The following CROCC variants were observed in gnomAD, a reference collection of about 807,000 sequenced individuals.
CROCC encodes the protein rootletin.
A neutral mutation model predicts 245.2 loss-of-function variants in CROCC; 180 were observed. The ratio of observed to expected loss-of-function variants is 0.73; its 90% CI spans 0.65 to 0.83. CROCC has a LOEUF of 0.83. CROCC is among the 40% of genes least tolerant of loss of function. The pLI is 0.00. For missense variants in CROCC, 2,688 were observed against 2,779.4 expected, an observed-to-expected ratio of 0.97 and a Z score of 0.74; for synonymous variants, 1,205 against 1,241.6, an observed-to-expected ratio of 0.97 and a Z score of 0.62.
At chr1:16,932,127 CT>C (rs1320889356) in intron 8 of CROCC, among the ~76,000 whole-genome samples, 1 of 152,246 alleles carries the variant, frequency 6.6e-6, no homozygotes, top group Non-Finnish European at 1.5e-5. Context: ...CTCACAGCCT[CT>C]TGTGATGAAA....
chr1:16,946,657 G>A, intron 16 of CROCC, 104 bp from the exon 17 acceptor site: 1 of 1,277,986 alleles, frequency 7.8e-7, no homozygotes, highest in Non-Finnish European at 1.1e-6. Context: ...TCATTCCCTG[G>A]GAGCCTCCCC....
chr1:16,940,738 T>C (rs1570638911), intron 13 of CROCC: 1 of 250,670 alleles, frequency 4.0e-6, no homozygotes, highest in Non-Finnish European at 8.1e-6. Context: ...TTGTTTTGCT[T>C]TGTTTTGAGT....
Position 16,930,186 on chromosome 1 carries a change from G to C in CROCC, c.600G>C (p.Glu200Asp), listed in dbSNP as rs762585948. The C allele has an allele frequency of 1.3e-6, 2 of 1,592,384 alleles. No homozygotes were observed. Among genetic ancestry groups the C allele is most frequent in the African/African-American group, 2.7e-5 (2 of 74,482 alleles). The change falls in exon 5 of 37, where the codon GAG becomes GAC. Residue 200 changes from glutamate to aspartate, a missense_variant. Physicochemically the swap from Glu to Asp is conservative, Grantham distance 45. Around this residue, in one of 9 missense-constraint regions of CROCC, gnomAD observed 972 missense variants for 895.3 expected, o/e 1.09. Coordinates refer to ENST00000375541, the MANE Select transcript of CROCC (RefSeq NM_014675.5). ...AGCAGCTGCTGGAGAGATCCGGAGAGCTGGAGCAGCAGCGGCTGAGGGTGG... is the reference window on the plus strand; with the variant it reads ...AGCAGCTGCTGGAGAGATCCGGAGACCTGGAGCAGCAGCGGCTGAGGGTGG... ...LEQQLLERSG[E>D]LEQQRLRDTE...
chr1:16,923,674 CTTTTTT>C (rs61063425), intron 2 of CROCC, among the ~76,000 whole-genome samples: 1 of 103,498 alleles, frequency 9.7e-6, no homozygotes, highest in Non-Finnish European at 1.9e-5. Context: ...ACTATTCTAC[CTTTTTT>C]TTTTTTTTTT....
Position 16,970,619 on chromosome 1 carries a change from G to A in CROCC, c.5653-17G>A. ...GCTCCTCCTGGCACCCTGATCTCCT[G>A]TGGCTCTCCTGCCTAGGTGGAGCGG... On this transcript the variant is annotated splice_polypyrimidine_tract_variant and intron_variant, in intron 34 of 36. Coordinates refer to ENST00000375541, the MANE Select transcript of CROCC (RefSeq NM_014675.5). The A allele has an allele frequency of 1.3e-6, 2 of 1,525,080 alleles. No homozygotes were observed. Among genetic ancestry groups the A allele is most frequent in the Non-Finnish European group, 1.8e-6 (2 of 1,134,892 alleles). The allele number at this position is 1,525,080 out of a possible 1,614,324, so 94.5% of individuals were successfully genotyped here. A position where few individuals can be genotyped will look rare whatever the true frequency, so the allele number is the denominator to read the frequency against.
At position 16,922,781 on chromosome 1, in the gene CROCC, C is replaced by G. The variant is rs746287271; in HGVS notation, c.179C>G (p.Ser60Cys). The change falls in exon 2 of 37, where the codon TCC becomes TGC. Residue 60 changes from serine (S) to cysteine (C), a missense_variant. By Grantham distance (112) the Ser-to-Cys change is moderately radical (BLOSUM62 -1). This residue lies in a region of CROCC where 972 missense variants were observed against 895.3 expected (regional missense o/e 1.09). Transcript: ENST00000375541. ...LIREIVTRNLSQPESPVLLPA... is the reference protein window; with the variant it reads ...LIREIVTRNLCQPESPVLLPA... ...AGGGAGATTGTCACCCGCAACCTCT[C>G]CCAGCCTGAGAGCCCAGGTGCCACC... 6 of 1,613,250 alleles carry G rather than the reference C, an allele frequency of 3.7e-6. No homozygotes were observed. The highest frequency in any genetic ancestry group is 5.1e-6 in the Non-Finnish European group (6 of 1,179,860).
intron 8 of CROCC, among the ~76,000 whole-genome samples, chr1:16,932,720 A>AGCCTGCCTCAGCGGGGGAGCTTGG (rs2075705549): frequency 1.3e-5 from 2 of 152,208 alleles, no homozygotes; most frequent in African/African-American, 2.4e-5. Context: ...GGGAAAGGAG[A>AGCCTGCCTCAGCGGGGGAGCTTGG]GCCTGCCTCA....
intron 27 of CROCC, among the ~76,000 whole-genome samples, chr1:16,964,064 GTGC>G (rs2076378799): frequency 6.6e-6 from 1 of 151,826 alleles, no homozygotes; most frequent in East Asian, 1.9e-4. Flanking sequence ...TCCCACCAGA[GTGC>G]TGGGATTACA....
Position 16,966,679 on chromosome 1 carries a change from A to AGGTG in CROCC, c.4860+108_4860+109insGGTG. 7.6e-7 allele frequency: 1 copy of AGGTG among 1,310,498 alleles called. No individual in the cohort carries two copies. The highest frequency in any genetic ancestry group is 1.6e-5 in the South Asian group (1 of 62,390). 81.2% of individuals were successfully genotyped at this position (1,310,498 alleles called of 1,614,324 possible). ...TGTCTGTCTGCCTGAGTCTCTCTGC[A>AGGTG]ACCCACTGAGGTGACCAGCCTGTGA... On this transcript the variant is annotated intron_variant, in intron 30 of 36. Transcript: ENST00000375541. The surrounding 1 kb of genome is among the most constrained non-coding windows in gnomAD (Gnocchi z 4.8).
chr1:16,955,264 C>CT, intron 23 of CROCC, 48 bp from the exon 24 acceptor site: 1 of 1,571,318 alleles, frequency 6.4e-7, no homozygotes, highest in Non-Finnish European at 8.7e-7. Context: ...CCCAGCTTGA[C>CT]GGGGGGGTCC....
chr1:16,924,865 G>T (rs1385615434), intron 3 of CROCC, among the ~76,000 whole-genome samples: 1 of 152,264 alleles, frequency 6.6e-6, no homozygotes, highest in Non-Finnish European at 1.5e-5. Context: ...GGGTTGAGGC[G>T]GTGGCTGGAT....
At chr1:16,928,976 G>A (rs796782432) in intron 3 of CROCC, among the ~76,000 whole-genome samples, 2 of 151,972 alleles carry the variant, frequency 1.3e-5, no homozygotes, top group South Asian at 2.1e-4. Context: ...ACAGGTGCAT[G>A]ACACCACGCC....
At chr1:16,915,469 C>T (rs1439873003) in intron 1 of CROCC, among the ~76,000 whole-genome samples, 5 of 152,058 alleles carry the variant, frequency 3.3e-5, no homozygotes, top group Non-Finnish European at 7.4e-5. Flanking sequence ...GGCAACATCT[C>T]ATCTCTACAA....
At position 16,956,128 on chromosome 1, in the gene CROCC, G is replaced by A. The variant is rs1430186635; in HGVS notation, c.3836G>A (p.Arg1279Gln). Residue 1279 changes from arginine (R) to glutamine (Q), a missense_variant, in exon 25 of 37, where the codon CGG becomes CAG. Arg to Gln is a conservative substitution (Grantham distance 43). This residue lies in a region of CROCC where 1,218 missense variants were observed against 1,286.3 expected (regional missense o/e 0.95). Coordinates refer to ENST00000375541, the MANE Select transcript of CROCC (RefSeq NM_014675.5). ...QEVERSRLEA[R>Q]RELQELRRQM... ...GTGGAGCGCTCACGGCTGGAGGCTC[G>A]GCGGGAGCTGCAGGAGCTCCGGCGT... 1.6e-5 allele frequency: 25 copies of A among 1,547,202 alleles called. No homozygotes were observed. The highest frequency in any genetic ancestry group is 4.1e-5 in the African/African-American group (3 of 72,986).
Position 16,924,405 on chromosome 1 carries a change from G to A in CROCC, c.277G>A (p.Val93Met), listed in dbSNP as rs748300745. ...NQLLQQELSR[V>M]EDLLAQSRAE... Reference sequence around the variant, plus strand: ...GCTGCTGCAGCAGGAGCTGTCCCGCGTGGAGGACCTGCTGGCCCAGAGCCG... The same window carrying A: ...GCTGCTGCAGCAGGAGCTGTCCCGCATGGAGGACCTGCTGGCCCAGAGCCG... Residue 93 changes from valine (V) to methionine (M), a missense_variant, in exon 3 of 37, where the codon GTG becomes ATG. Coordinates refer to ENST00000375541, the MANE Select transcript of CROCC (RefSeq NM_014675.5). 1.7e-5 allele frequency: 27 copies of A among 1,613,176 alleles called. No individual in the cohort carries two copies. Among genetic ancestry groups the A allele is most frequent in the East Asian group, 6.7e-5 (3 of 44,898 alleles).
chr1:16,920,702 G>A (rs2075385477), upstream of CROCC, among the ~76,000 whole-genome samples: 2 of 150,788 alleles, frequency 1.3e-5, no homozygotes, highest in Non-Finnish European at 2.9e-5. Flanking sequence ...GGTGGTGGGT[G>A]ACCTCTGGGT....
At position 16,936,867 on chromosome 1, in the gene CROCC, G is replaced by A. The variant is rs2075802459; in HGVS notation, c.1187G>A (p.Ser396Asn). The change falls in exon 9 of 37, where the codon AGT becomes AAT. Residue 396 changes from serine (S) to asparagine (N), a missense_variant. Ser to Asn is a conservative substitution (Grantham distance 46, BLOSUM62 1). Transcript: ENST00000375541. ...AGCGACCTGGACAAGGCTGACCTCA[G>A]TGCCAGGTGGGTACCTGGTGGATGC... The part of the protein sequence containing the change: ...MQSDLDKADL[S>N]ARVTELGLAV... 1.2e-6 allele frequency: 2 copies of A among 1,609,140 alleles called. No individual in the cohort carries two copies. The highest frequency in any genetic ancestry group is 2.7e-5 in the African/African-American group (2 of 75,010).
intron 27 of CROCC, among the ~76,000 whole-genome samples, chr1:16,963,157 T>C (rs1368593873): frequency 9.2e-5 from 13 of 141,058 alleles, no homozygotes; most frequent in Admixed American, 2.2e-4. Context: ...CACTCTAGAC[T>C]GGGCAACAAG....
chr1:16,930,956 C>T (rs1235583561), intron 7 of CROCC, among the ~76,000 whole-genome samples: 1 of 152,288 alleles, frequency 6.6e-6, no homozygotes, highest in South Asian at 2.1e-4. Flanking sequence ...ACTCTGTCTC[C>T]AAATAAGTAA....
Sources: allele counts gnomAD v4.1 joint callset (sites outside exome capture counted in the v4.1 genomes callset), GRCh38; gene constraint gnomAD v4.1.1; regional missense constraint gnomAD v4.1.1; non-coding constraint Gnocchi (gnomAD v3.1); transcripts MANE v1.5; gene names NCBI Gene and HGNC (gene_info 2026-07-23, HGNC 2026-07-21).